ARHGEF28: variants seen among roughly 807,000 people sequenced by gnomAD.
The protein encoded by ARHGEF28 is Rho guanine nucleotide exchange factor 28.
In ARHGEF28, 152 loss-of-function variants were observed where a neutral mutation model predicts 206.6. That is an observed-to-expected ratio of 0.74 (90% CI 0.64 to 0.84). The LOEUF is 0.84. Ranked by LOEUF, ARHGEF28 falls within the 40% of genes least tolerant of loss-of-function variation. The pLI is 0.00. For missense variants in ARHGEF28, 2,028 were observed against 2,073.2 expected (o/e 0.98, Z 0.42); for synonymous variants, 763 against 776.4 (o/e 0.98, Z 0.29).
intron 35 of ARHGEF28, among the ~76,000 whole-genome samples, chr5:73,916,480 G>A (rs282407): frequency 0.07 from 10,652 of 152,242 alleles, 485 homozygotes; most frequent in South Asian, 0.2. Context: ...TGTTGGCAGC[G>A]TTGGTTTCTT....
At chr5:73,831,534 G>A (rs1486629861) in intron 9 of ARHGEF28, among the ~76,000 whole-genome samples, 1 of 152,250 alleles carries the variant, frequency 6.6e-6, no homozygotes, top group Non-Finnish European at 1.5e-5. Context: ...TACCGAGCCA[G>A]AACTGCTAGG....
chr5:73,844,044 A>G (rs1407623648), intron 11 of ARHGEF28, among the ~76,000 whole-genome samples: 1 of 152,202 alleles, frequency 6.6e-6, no homozygotes, highest in Non-Finnish European at 1.5e-5. Flanking sequence ...CACTACTGGG[A>G]ATTAGAAAAA....
intron 1 of ARHGEF28, among the ~76,000 whole-genome samples, chr5:73,677,310 T>A (rs1408897617): frequency 1.3e-5 from 2 of 152,212 alleles, no homozygotes; most frequent in Admixed American, 1.3e-4. Context: ...TCCCATATAT[T>A]CCTTTCAAGG....
At position 73,650,457 on chromosome 5, in the gene ARHGEF28, G is replaced by A. The variant is rs574937542; in HGVS notation, c.-12+24135G>A. Reference sequence around the variant, plus strand: ...ATGCCACCACACCCAGCTAATTTTTGTATTTTTAGTAAAGATGAGGTTTCA... The same window carrying A: ...ATGCCACCACACCCAGCTAATTTTTATATTTTTAGTAAAGATGAGGTTTCA... On this transcript the variant is annotated intron_variant, in intron 1 of 35. Transcript: ENST00000513042. 4.0e-5 allele frequency among the ~76,000 whole-genome samples: 6 copies of A among 150,588 alleles called. No homozygotes were observed. The East Asian group carries it at 1.2e-3, about 30-fold the overall frequency.
chr5:73,758,579 G>A (rs905986575), intron 4 of ARHGEF28, among the ~76,000 whole-genome samples: 7 of 151,090 alleles, frequency 4.6e-5, no homozygotes, highest in African/African-American at 9.8e-5. Flanking sequence ...TTTTTGAGAC[G>A]AAGTCTCACT....
intron 20 of ARHGEF28, among the ~76,000 whole-genome samples, chr5:73,868,681 CTG>C (rs1197835900): frequency 6.6e-6 from 1 of 152,194 alleles, no homozygotes; most frequent in Non-Finnish European, 1.5e-5. Flanking sequence ...GAGTCTCACT[CTG>C]TTGCCCAGGC....
chr5:73,661,081 T>G (rs577925288), intron 1 of ARHGEF28, among the ~76,000 whole-genome samples: 2 of 152,352 alleles, frequency 1.3e-5, no homozygotes, highest in South Asian at 4.1e-4. Context: ...AAAAAAAGGT[T>G]GTTTTGTCCA....
At chr5:73,827,516 T>C (rs922356400) in intron 9 of ARHGEF28, among the ~76,000 whole-genome samples, 1 of 152,198 alleles carries the variant, frequency 6.6e-6, no homozygotes, top group Non-Finnish European at 1.5e-5. Context: ...GAGATGGATA[T>C]ATTATTGCCT....
chr5:73,739,856 TAAA>T (rs912627690), intron 2 of ARHGEF28, among the ~76,000 whole-genome samples: 2 of 146,524 alleles, frequency 1.4e-5, no homozygotes, highest in African/African-American at 5.0e-5. Context: ...AATAAATAAA[TAAA>T]TAAATAAAAA....
At chr5:73,824,249 T>G (rs1287031589) in intron 9 of ARHGEF28, among the ~76,000 whole-genome samples, 2 of 152,178 alleles carry the variant, frequency 1.3e-5, no homozygotes, top group Admixed American at 1.3e-4. Flanking sequence ...AAGAGGTGCA[T>G]GGTATTGTGG....
In ARHGEF28 at chr5:73,921,355, A is replaced by G. The variant is rs150496464; in HGVS notation, c.4948+9780A>G. The stretch of plus-strand genomic sequence containing the variant: ...AAGAGTTGTTCTGCTCAGACCTTTG[A>G]CCAGATGATAAATAAGCCTGGGCCT... On this transcript the variant is annotated intron_variant, in intron 35 of 35. Coordinates refer to ENST00000513042, the MANE Select transcript of ARHGEF28 (RefSeq NM_001177693.2). Among the ~76,000 whole-genome samples, 338 of 152,322 alleles carry G rather than the reference A, an allele frequency of 2.2e-3. 1 individual carries two copies. Among genetic ancestry groups the G allele is most frequent in the African/African-American group, 7.8e-3 (325 of 41,576 alleles).
Position 73,848,891 on chromosome 5 carries a change from G to A in ARHGEF28, c.1636-85G>A, listed in dbSNP as rs566402314. ...TCAGGTTGAATCTCTTTTCAAAGGT[G>A]CAAATTTAGTAACATTTGAGGTGGT... On this transcript the variant is annotated intron_variant, in intron 12 of 35. Coordinates refer to ENST00000513042, the MANE Select transcript of ARHGEF28 (RefSeq NM_001177693.2). 6.3e-6 allele frequency: 6 copies of A among 954,462 alleles called. No homozygotes were observed. In the South Asian group the frequency reaches 7.6e-5, roughly 12 times the overall value. 59.1% of individuals were successfully genotyped at this position (954,462 alleles called of 1,614,324 possible).
chr5:73,813,418 A>C, intron 9 of ARHGEF28: 1 of 1,354,620 alleles, frequency 7.4e-7, no homozygotes, highest in Non-Finnish European at 9.6e-7. Context: ...TGAATGCCCG[A>C]AGGAAGCAAA....
chr5:73,850,183 T>A (rs528222194), intron 13 of ARHGEF28, among the ~76,000 whole-genome samples: 1 of 151,950 alleles, frequency 6.6e-6, no homozygotes, highest in African/African-American at 2.4e-5. Flanking sequence ...TGCTAGATGT[T>A]CAATAAATAT....
In ARHGEF28 at chr5:73,832,351, T is replaced by C. The variant is rs779225207; in HGVS notation, c.1038T>C (p.Asp346=). 10 of 1,612,786 alleles carry C rather than the reference T, an allele frequency of 6.2e-6. No homozygotes were observed. The highest frequency in any genetic ancestry group is 3.4e-6 in the Non-Finnish European group (4 of 1,179,358). ...TTTGTACTCTAGATCGCTCCTTCGATATCCTAAAAAAATCCAAGCCGCCCT... is the reference window on the plus strand; with the variant it reads ...TTTGTACTCTAGATCGCTCCTTCGACATCCTAAAAAAATCCAAGCCGCCCT... ...QHSLDLDRSF[D]ILKKSKPPST... is the part of the protein sequence containing the mutation. Residue 346 remains aspartate (D), a synonymous_variant, in exon 10 of 36, where the codon GAT becomes GAC. Coordinates refer to ENST00000513042, the MANE Select transcript of ARHGEF28 (RefSeq NM_001177693.2).
At position 73,866,066 on chromosome 5, in the gene ARHGEF28, C is replaced by T. The variant is rs6860248; in HGVS notation, c.2152+53C>T. Reference sequence around the variant, plus strand: ...TTTTAAAAATTTAATACATACTATACATTTTTCCATTATAAAAATATCTCC... The same window carrying T: ...TTTTAAAAATTTAATACATACTATATATTTTTCCATTATAAAAATATCTCC... On this transcript the variant is annotated intron_variant, in intron 18 of 35. Transcript: ENST00000513042. 7,717 of 1,319,262 alleles carry T rather than the reference C, an allele frequency of 5.8e-3. 109 individuals carry two copies. Among genetic ancestry groups the T allele is most frequent in the African/African-American group, 0.037 (2,445 of 66,114 alleles). 81.7% of individuals were successfully genotyped at this position (1,319,262 alleles called of 1,614,324 possible).
At chr5:73,722,788 ATC>A (rs139842003) in intron 2 of ARHGEF28, among the ~76,000 whole-genome samples, 3,059 of 152,328 alleles carry the variant, frequency 0.02, 102 homozygotes, top group African/African-American at 0.07. Flanking sequence ...ATGCATACAT[ATC>A]TCTCTCTATC....
chr5:73,858,353 A>T, intron 16 of ARHGEF28, 134 bp downstream of exon 16: 2 of 1,185,618 alleles, frequency 1.7e-6, no homozygotes, highest in Non-Finnish European at 2.3e-6. Flanking sequence ...TTACCAAGCA[A>T]GGACTGATAC....
intron 22 of ARHGEF28, among the ~76,000 whole-genome samples, chr5:73,880,406 T>C (rs1760840531): frequency 6.6e-6 from 1 of 152,146 alleles, no homozygotes; most frequent in Non-Finnish European, 1.5e-5. Context: ...TCGCCCTGCT[T>C]CAGCTCACGC....
Sources: allele counts gnomAD v4.1 joint callset (sites outside exome capture counted in the v4.1 genomes callset), GRCh38; gene constraint gnomAD v4.1.1; transcripts MANE v1.5; gene names NCBI Gene and HGNC (gene_info 2026-07-23, HGNC 2026-07-21).